Variants in ADD2 observed in about 807,000 individuals in gnomAD.
ADD2 encodes the protein beta-adducin.
In ADD2, 23 loss-of-function variants were observed where a neutral mutation model predicts 83.0. The ratio of observed to expected loss-of-function variants is 0.28; its 90% CI spans 0.20 to 0.39. The LOEUF (loss-of-function observed/expected upper bound fraction) is 0.39. Among genes scored for constraint, ADD2 ranks in the 10% least tolerant of loss-of-function variants. The pLI, the probability that ADD2 is intolerant of heterozygous loss-of-function variation, is 1.00. For synonymous variants in ADD2, 375 were observed against 375.4 expected (o/e 1.00, Z 0.01); for missense variants, 758 against 944.9 (o/e 0.80, Z 2.59).
chr2:70,690,088 G>A (rs183836510), intron 8 of ADD2, among the ~76,000 whole-genome samples: 46 of 145,378 alleles, frequency 3.2e-4, no homozygotes, highest in African/African-American at 1.2e-3. Context: ...AAAAAACTCA[G>A]GAAGAAAAAA....
intron 14 of ADD2, chr2:70,673,309 C>G: frequency 6.2e-7 from 1 of 1,614,118 alleles, no homozygotes; most frequent in Non-Finnish European, 8.5e-7. Flanking sequence ...GAGCCTGGCT[C>G]TCGTTCCTGT....
intron 1 of ADD2, among the ~76,000 whole-genome samples, chr2:70,745,597 CAGG>C (rs1674151465): frequency 1.3e-5 from 2 of 152,308 alleles, no homozygotes; most frequent in Admixed American, 6.5e-5. Context: ...GCAGGAGGGG[CAGG>C]AGATCTCCAT....
At chr2:70,744,022 CAGGTA>C (rs1674054080) in intron 1 of ADD2, among the ~76,000 whole-genome samples, 1 of 152,132 alleles carries the variant, frequency 6.6e-6, no homozygotes, top group Non-Finnish European at 1.5e-5. Flanking sequence ...GTAAACAGGC[CAGGTA>C]AGGAGCTTAT....
intron 1 of ADD2, among the ~76,000 whole-genome samples, chr2:70,716,606 C>T (rs1203437471): frequency 1.3e-5 from 2 of 152,206 alleles, no homozygotes; most frequent in African/African-American, 4.8e-5. Flanking sequence ...TGCCATAGGG[C>T]CTGGTGCCAG....
At chr2:70,688,900 C>T (rs1670880904) in intron 8 of ADD2, among the ~76,000 whole-genome samples, 1 of 152,082 alleles carries the variant, frequency 6.6e-6, no homozygotes, top group Non-Finnish European at 1.5e-5. Context: ...AGTTCGAGAC[C>T]AGCCTGGCCA....
intron 2 of ADD2, among the ~76,000 whole-genome samples, chr2:70,711,410 T>G (rs1183115823): frequency 1.3e-5 from 2 of 152,036 alleles, no homozygotes; most frequent in African/African-American, 4.8e-5. Context: ...ATTAGAAGCC[T>G]GTAGCAGCAG....
intron 9 of ADD2, among the ~76,000 whole-genome samples, chr2:70,684,731 C>G (rs1420784174): frequency 6.6e-6 from 1 of 152,178 alleles, no homozygotes; most frequent in Non-Finnish European, 1.5e-5. Flanking sequence ...TAGTGTACAG[C>G]CAAGCACTGT....
rs577847209 is a variant in ADD2 at position 70,658,385 on chromosome 2, C to T, written c.*5040G>A. ...CGGGGCTTCTGGAAGTAATTACACT[C>T]CATGTACGCTTTCTTATGTTATGGT... On this transcript the variant is annotated 3_prime_UTR_variant, in exon 16 of 16. Transcript: ENST00000264436. 5 of 152,190 alleles carry T rather than the reference C, an allele frequency of 3.3e-5. No individual in the cohort carries two copies. Among genetic ancestry groups the T allele is most frequent in the Non-Finnish European group, 7.3e-5 (5 of 68,042 alleles). The allele number at this position is 152,190 out of a possible 1,614,324, so 9.4% of individuals were successfully genotyped here.
intron 1 of ADD2, among the ~76,000 whole-genome samples, chr2:70,727,621 G>T (rs782390324): frequency 6.6e-6 from 1 of 152,152 alleles, no homozygotes; most frequent in African/African-American, 2.4e-5. Context: ...TTGGCCAGGC[G>T]CGGTGGCTCA....
At position 70,678,878 on chromosome 2, in the gene ADD2, C is replaced by A; in HGVS notation, c.1209G>T (p.Thr403=). The A allele has an allele frequency of 6.2e-7, 1 of 1,614,184 alleles. No individual in the cohort carries two copies. The highest frequency in any genetic ancestry group is 1.3e-5 in the African/African-American group (1 of 75,040). Residue 403 remains threonine, a synonymous_variant, in exon 11 of 16, where the codon ACG becomes ACT. Transcript: ENST00000264436. ...CCTCCTCAAACACGAAGGCTGTGAC[C>A]GTGGCTGGAATCTCCACCTCACTTT... ...KHKSEVEIPA[T]VTAFVFEEDG...
intron 1 of ADD2, among the ~76,000 whole-genome samples, chr2:70,755,084 C>G (rs552952343): frequency 5.9e-5 from 9 of 152,092 alleles, no homozygotes; most frequent in Non-Finnish European, 1.3e-4. Flanking sequence ...GGCCATTGAC[C>G]CTTGCACAAA....
intron 1 of ADD2, among the ~76,000 whole-genome samples, chr2:70,732,973 G>A (rs1673358335): frequency 6.6e-6 from 1 of 152,172 alleles, no homozygotes; most frequent in South Asian, 2.1e-4. Flanking sequence ...ACATCTGTCT[G>A]ATCTGCCTTC....
At position 70,657,419 on chromosome 2, in the gene ADD2, C is replaced by A. The variant is rs1244463538; in HGVS notation, c.*6006G>T. ...GACCGTATGTTCTCCCCCACCTGGC[C>A]TCTTCCCGGAGAGAGCAAACACTAA... is the stretch of plus-strand genomic sequence containing the variant. On this transcript the variant is annotated 3_prime_UTR_variant, in exon 16 of 16. Coordinates refer to ENST00000264436, the MANE Select transcript of ADD2 (RefSeq NM_001617.4). The A allele has an allele frequency of 6.6e-6, 1 of 152,228 alleles. No homozygotes were observed. The highest frequency in any genetic ancestry group is 1.9e-4 in the East Asian group (1 of 5,196). 9.4% of individuals were successfully genotyped at this position (152,228 alleles called of 1,614,324 possible).
At chr2:70,730,701 T>C (rs542485445) in intron 1 of ADD2, among the ~76,000 whole-genome samples, 1 of 152,362 alleles carries the variant, frequency 6.6e-6, no homozygotes, top group East Asian at 1.9e-4. Context: ...ACATGCTGCA[T>C]GATTTGGTCA....
chr2:70,709,426 C>G (rs1264110188), intron 2 of ADD2, among the ~76,000 whole-genome samples: 3 of 152,158 alleles, frequency 2.0e-5, no homozygotes, highest in Non-Finnish European at 4.4e-5. Context: ...AATCCAGACC[C>G]TTTCCTTTCA....
intron 2 of ADD2, among the ~76,000 whole-genome samples, chr2:70,711,597 T>G (rs569301704): frequency 1.3e-5 from 2 of 152,286 alleles, no homozygotes; most frequent in Non-Finnish European, 2.9e-5. Context: ...AAAAAAACTC[T>G]GGACAGCAAG....
At chr2:70,731,969 C>T (rs371038277) in intron 1 of ADD2, among the ~76,000 whole-genome samples, 1 of 152,312 alleles carries the variant, frequency 6.6e-6, no homozygotes, top group African/African-American at 2.4e-5. Context: ...CTTTGGGGTG[C>T]CTTCCACCTT....
intron 6 of ADD2, among the ~76,000 whole-genome samples, chr2:70,693,767 T>A (rs55925736): frequency 6.6e-6 from 1 of 152,218 alleles, no homozygotes; most frequent in Middle Eastern, 3.4e-3. Flanking sequence ...TGTTTAGAAT[T>A]CCCTCTCTCA....
At chr2:70,710,212 C>G (rs1212427127) in intron 2 of ADD2, among the ~76,000 whole-genome samples, 1 of 152,236 alleles carries the variant, frequency 6.6e-6, no homozygotes, top group East Asian at 1.9e-4. Flanking sequence ...ACTCCAGGCT[C>G]TAAGCCAACT....
Sources: allele counts gnomAD v4.1 joint callset (sites outside exome capture counted in the v4.1 genomes callset), GRCh38; gene constraint gnomAD v4.1.1; transcripts MANE v1.5; gene names NCBI Gene and HGNC (gene_info 2026-07-23, HGNC 2026-07-21).